GTF2E2: variants seen among roughly 807,000 people sequenced by gnomAD.
GTF2E2 encodes transcription initiation factor IIE subunit beta.
Under a neutral mutation model 40.5 loss-of-function variants are expected in GTF2E2, and 21 were observed. The ratio of observed to expected loss-of-function variants is 0.52; its 90% confidence interval spans 0.37 to 0.75. GTF2E2 has a LOEUF of 0.75. Among genes scored for constraint, GTF2E2 ranks in the 30% least tolerant of loss-of-function variants. The probability of loss-of-function intolerance (pLI) is 0.00; values close to 1 mark genes in which losing one functional copy is unlikely to be tolerated. For synonymous variants in GTF2E2, 117 were observed against 121.6 expected, an observed-to-expected ratio of 0.96 and a Z score of 0.25; for missense variants, 298 against 338.4, an observed-to-expected ratio of 0.88 and a Z score of 0.94.
intron 6 of GTF2E2, among the ~76,000 whole-genome samples, chr8:30,587,125 T>C (rs765506200): frequency 5.3e-5 from 8 of 152,130 alleles, no homozygotes; most frequent in Non-Finnish European, 1.2e-4. Context: ...ATATACAAAA[T>C]ATAGGGCAGG....
At chr8:30,643,307 G>A (rs762344089) in intron 2 of GTF2E2, among the ~76,000 whole-genome samples, 6 of 152,132 alleles carry the variant, frequency 3.9e-5, no homozygotes, top group Non-Finnish European at 7.3e-5. Flanking sequence ...CCAATGGGGT[G>A]GAAGCAAACA....
intron 3 of GTF2E2, among the ~76,000 whole-genome samples, chr8:30,629,680 T>G (rs1255025938): frequency 1.9e-5 from 2 of 105,810 alleles, no homozygotes; most frequent in Non-Finnish European, 3.6e-5. Context: ...CAGAGCAAGA[T>G]TCCATCTCAA....
At chr8:30,613,735 T>C (rs1800813496) in intron 4 of GTF2E2, among the ~76,000 whole-genome samples, 1 of 152,220 alleles carries the variant, frequency 6.6e-6, no homozygotes, top group African/African-American at 2.4e-5. Flanking sequence ...ATAAATGAAT[T>C]GTATGTTAGG....
At chr8:30,583,605 T>C (rs912435558) in intron 6 of GTF2E2, among the ~76,000 whole-genome samples, 14 of 151,892 alleles carry the variant, frequency 9.2e-5, no homozygotes, top group Non-Finnish European at 1.8e-4. Context: ...GTCTCGAACG[T>C]CTAGACTCAA....
intron 2 of GTF2E2, among the ~76,000 whole-genome samples, chr8:30,639,096 T>G (rs1161365723): frequency 6.6e-6 from 1 of 152,230 alleles, no homozygotes; most frequent in Non-Finnish European, 1.5e-5. Flanking sequence ...TAGTTACTTA[T>G]AAGAAAGTTT....
At chr8:30,596,003 A>G (rs557888871) in intron 6 of GTF2E2, among the ~76,000 whole-genome samples, 4 of 152,342 alleles carry the variant, frequency 2.6e-5, no homozygotes, top group East Asian at 3.9e-4. Context: ...ATGGGTTCTA[A>G]TAAGAACTCT....
rs1345734607 is a variant in GTF2E2, at chr8:30,612,464, G to C, written c.384C>G (p.Pro128=). 4 of 1,608,800 alleles carry C rather than the reference G, an allele frequency of 2.5e-6. No homozygotes were observed. The East Asian group carries it at 8.9e-5, about 36-fold the overall frequency. The change falls in exon 5 of 8, where the codon CCC becomes CCG. Residue 128 remains proline (P), a synonymous_variant. Transcript: ENST00000355904. ...WLMTEALVNN[P]KIEVIDGKYA... is the part of the protein sequence containing the mutation. ...ACTTCCCATCTATTACTTCAATTTT[G>C]GGATTGTTGACTAAAGCCTGTAACA...
intron 3 of GTF2E2, among the ~76,000 whole-genome samples, chr8:30,634,429 C>T (rs778010424): frequency 3.3e-5 from 5 of 150,538 alleles, no homozygotes; most frequent in Non-Finnish European, 5.9e-5. Flanking sequence ...GCCTGGGTAA[C>T]GGAGCAAGAC....
chr8:30,582,746 G>C (rs1406279860), intron 6 of GTF2E2, among the ~76,000 whole-genome samples: 1 of 152,166 alleles, frequency 6.6e-6, no homozygotes, highest in Non-Finnish European at 1.5e-5. Flanking sequence ...TAACGAGCTT[G>C]TGCCCTTCTT....
chr8:30,578,862 A>G lies in GTF2E2; in HGVS notation c.*59T>C, dbSNP rs2151103290. The G allele has an allele frequency of 1.2e-6, 1 of 865,238 alleles. No homozygotes were observed. The highest frequency in any genetic ancestry group is 2.4e-5 in the East Asian group (1 of 41,380). The allele number at this position is 865,238 out of a possible 1,614,324, so 53.6% of individuals were successfully genotyped here. ...GGAAGACAGTCTTCAGACCCCGAGC[A>G]TCAGCAAGAACACTCTTGATTGTGT... On this transcript the variant is annotated 3_prime_UTR_variant, in exon 8 of 8. Coordinates refer to ENST00000355904, the MANE Select transcript of GTF2E2 (RefSeq NM_002095.6).
At chr8:30,639,630 T>G (rs1801740026) in intron 2 of GTF2E2, among the ~76,000 whole-genome samples, 1 of 152,194 alleles carries the variant, frequency 6.6e-6, no homozygotes. Flanking sequence ...AAATTTCTAA[T>G]TTTATACTAT....
chr8:30,582,815 G>A (rs1348244691), intron 6 of GTF2E2, among the ~76,000 whole-genome samples: 3 of 152,170 alleles, frequency 2.0e-5, no homozygotes, highest in African/African-American at 7.2e-5. Flanking sequence ...TGACCATCAG[G>A]CAAGGTGTTA....
rs1049970935 is a variant in GTF2E2 at position 30,656,653 on chromosome 8, A to T, written c.-5+1320T>A. On this transcript the variant is annotated intron_variant, in intron 1 of 7. Coordinates refer to ENST00000355904, the MANE Select transcript of GTF2E2 (RefSeq NM_002095.6). ...GAAACTCCGTCTCCATTAAAAATTT[A>T]AAAAATGTGCAGGGTGTCGTTGCGG... is the stretch of plus-strand genomic sequence containing the variant. Among the ~76,000 whole-genome samples the T allele has an allele frequency of 5.3e-5, 8 of 152,020 alleles. No individual in the cohort carries two copies. In the East Asian group the frequency reaches 7.7e-4, roughly 15 times the overall value.
intron 3 of GTF2E2, among the ~76,000 whole-genome samples, chr8:30,616,344 G>T (rs1800917280): frequency 6.6e-6 from 1 of 152,048 alleles, no homozygotes; most frequent in Admixed American, 6.5e-5. Context: ...GCTGAGGCAG[G>T]GGAATCACTT....
In GTF2E2 at chr8:30,658,214, C is replaced by G. The variant is rs1180690907; in HGVS notation, c.-246G>C. On this transcript the variant is annotated 5_prime_UTR_variant, in exon 1 of 8. Transcript: ENST00000355904. ...ACCCGGGACTCCGCCCGCCACTTCC[C>G]GATCGGGTGCTAGGAGCTCAGTCCC... The G allele has an allele frequency of 5.5e-6, 1 of 181,928 alleles. No homozygotes were observed. The highest frequency in any genetic ancestry group is 1.1e-5 in the Non-Finnish European group (1 of 87,766). The allele number at this position is 181,928 out of a possible 1,614,324, so 11.3% of individuals were successfully genotyped here.
At chr8:30,656,190 A>G (rs1802443803) in intron 1 of GTF2E2, among the ~76,000 whole-genome samples, 1 of 152,208 alleles carries the variant, frequency 6.6e-6, no homozygotes, top group Non-Finnish European at 1.5e-5. Flanking sequence ...TGAAATGAGG[A>G]CGCTATGAAA....
chr8:30,646,207 A>C (rs1802066302), intron 2 of GTF2E2: 1 of 152,248 alleles, frequency 6.6e-6, no homozygotes, highest in African/African-American at 2.4e-5. Flanking sequence ...TTTAGTTAGA[A>C]ATGCATGATA....
chr8:30,586,725 T>C (rs1828697773), intron 6 of GTF2E2, among the ~76,000 whole-genome samples: 1 of 152,150 alleles, frequency 6.6e-6, no homozygotes, highest in Non-Finnish European at 1.5e-5. Context: ...TCCGCTGATC[T>C]TTGACAAAGG....
At chr8:30,654,407 T>TA (rs930324616) in intron 1 of GTF2E2, among the ~76,000 whole-genome samples, 5 of 151,676 alleles carry the variant, frequency 3.3e-5, no homozygotes, top group African/African-American at 7.3e-5. Context: ...ATATGGCTAT[T>TA]AAAAAAAAAT....
Sources: gnomAD v4.1 joint callset for allele counts (sites outside exome capture counted in the v4.1 genomes callset) on GRCh38, gnomAD v4.1.1 for gene constraint, MANE v1.5 for transcripts, NCBI Gene and HGNC (gene_info 2026-07-23, HGNC 2026-07-21) for gene names.